The following LRRIQ3 variants were observed in gnomAD, a reference collection of about 807,000 sequenced individuals.
LRRIQ3 encodes leucine rich repeats and IQ motif containing 3.
Under a neutral mutation model 59.3 loss-of-function variants are expected in LRRIQ3, and 75 were observed. The ratio of observed to expected loss-of-function variants is 1.26; its 90% CI spans 1.05 to 1.53. LRRIQ3 has a LOEUF of 1.53. Among genes scored for constraint, LRRIQ3 ranks in the 40% most tolerant of loss-of-function variants. LRRIQ3 has a pLI of 0.00. For missense variants in LRRIQ3, 831 were observed against 710.0 expected (o/e 1.17, Z -1.94); for synonymous variants, 250 against 231.3 (o/e 1.08, Z -0.73).
intron 5 of LRRIQ3, among the ~76,000 whole-genome samples, chr1:74,086,850 A>C (rs1028343659): frequency 2.0e-5 from 3 of 152,076 alleles, no homozygotes; most frequent in Non-Finnish European, 4.4e-5. Context: ...AAACACCCAT[A>C]AACTCCTGTA....
At chr1:74,040,922 T>C (rs185521259) in intron 7 of LRRIQ3, among the ~76,000 whole-genome samples, 155 of 152,302 alleles carry the variant, frequency 1.0e-3, no homozygotes, top group Non-Finnish European at 7.2e-4. Context: ...CTGAGGTTGA[T>C]AGCACTGGTC....
At chr1:74,045,482 T>C (rs1230370559) in intron 6 of LRRIQ3, among the ~76,000 whole-genome samples, 1 of 152,164 alleles carries the variant, frequency 6.6e-6, no homozygotes, top group Non-Finnish European at 1.5e-5. Context: ...GAGCTATTTA[T>C]GACAAACCCA....
chr1:74,085,840 A>G (rs889124222), intron 5 of LRRIQ3, among the ~76,000 whole-genome samples: 3 of 152,042 alleles, frequency 2.0e-5, no homozygotes, highest in African/African-American at 7.2e-5. Flanking sequence ...TTTGCTCTCA[A>G]TAATTGACTG....
chr1:74,065,374 A>G (rs1392280841), intron 6 of LRRIQ3, among the ~76,000 whole-genome samples: 1 of 152,098 alleles, frequency 6.6e-6, no homozygotes, highest in Non-Finnish European at 1.5e-5. Context: ...CATCATAATT[A>G]CCCTTCTCTC....
intron 3 of LRRIQ3, among the ~76,000 whole-genome samples, chr1:74,164,335 A>G (rs2100686024): frequency 6.6e-6 from 1 of 151,554 alleles, no homozygotes; most frequent in South Asian, 2.1e-4. Context: ...GGGCTCTAAT[A>G]CAATATGACT....
chr1:74,055,923 T>A (rs1017702482), intron 6 of LRRIQ3, among the ~76,000 whole-genome samples: 1 of 152,028 alleles, frequency 6.6e-6, no homozygotes, highest in Non-Finnish European at 1.5e-5. Context: ...GGTGGGCACA[T>A]CACGAGGTCA....
chr1:74,063,193 A>G (rs1478766905), intron 6 of LRRIQ3, among the ~76,000 whole-genome samples: 1 of 151,912 alleles, frequency 6.6e-6, no homozygotes, highest in Non-Finnish European at 1.5e-5. Context: ...GTATTTGTAT[A>G]TTTGTGAGAT....
At chr1:74,115,078 T>C (rs1646760366) in intron 4 of LRRIQ3, among the ~76,000 whole-genome samples, 1 of 152,174 alleles carries the variant, frequency 6.6e-6, no homozygotes, top group Admixed American at 6.6e-5. Flanking sequence ...AGTAAACTCA[T>C]AGAATTGAAG....
At chr1:74,105,389 T>C (rs1470552702) in intron 5 of LRRIQ3, among the ~76,000 whole-genome samples, 3 of 151,754 alleles carry the variant, frequency 2.0e-5, no homozygotes, top group Non-Finnish European at 4.4e-5. Context: ...GTAGCTGGGA[T>C]TTCAGGAGTA....
At chr1:74,112,995 C>A (rs958992640) in intron 4 of LRRIQ3, among the ~76,000 whole-genome samples, 1 of 151,502 alleles carries the variant, frequency 6.6e-6, no homozygotes, top group African/African-American at 2.4e-5. Flanking sequence ...AGACAACAGG[C>A]GAAACAAAGA....
At position 74,109,579 on chromosome 1, in the gene LRRIQ3, A is replaced by G. The variant is rs201036085; in HGVS notation, c.708-26T>C. The stretch of plus-strand genomic sequence containing the variant: ...CTGAATATAAGGGGAGGGGAAAACT[A>G]TTTGTTAGTTTTTTGCCATTAAAAA... On this transcript the variant is annotated intron_variant, in intron 4 of 7. Transcript: ENST00000354431. 5 of 1,529,282 alleles carry G rather than the reference A, an allele frequency of 3.3e-6. 1 individual carries two copies. In the Middle Eastern group the frequency reaches 5.7e-4, roughly 174 times the overall value. 94.7% of individuals were successfully genotyped at this position (1,529,282 alleles called of 1,614,324 possible).
At chr1:74,101,418 A>T (rs898538958) in intron 5 of LRRIQ3, among the ~76,000 whole-genome samples, 2 of 152,054 alleles carry the variant, frequency 1.3e-5, no homozygotes, top group African/African-American at 2.4e-5. Flanking sequence ...AACAGGTGCC[A>T]GAGAGGATGT....
intron 6 of LRRIQ3, among the ~76,000 whole-genome samples, chr1:74,065,591 A>C (rs1029401036): frequency 6.6e-6 from 1 of 152,128 alleles, no homozygotes; most frequent in Non-Finnish European, 1.5e-5. Flanking sequence ...TCTTCACATG[A>C]ATTTGCTTTA....
chr1:74,092,653 A>T (rs1430958083), intron 5 of LRRIQ3, among the ~76,000 whole-genome samples: 1 of 152,052 alleles, frequency 6.6e-6, no homozygotes, highest in Non-Finnish European at 1.5e-5. Context: ...AGAAAAAAAA[A>T]TCTGGGTTAT....
chr1:74,058,924 G>A (rs1654618829), intron 6 of LRRIQ3, among the ~76,000 whole-genome samples: 1 of 151,992 alleles, frequency 6.6e-6, no homozygotes, highest in African/African-American at 2.4e-5. Flanking sequence ...AAATCCATCT[G>A]TAATCCACAA....
chr1:74,088,576 A>C (rs1646357186), intron 5 of LRRIQ3, among the ~76,000 whole-genome samples: 1 of 152,040 alleles, frequency 6.6e-6, no homozygotes, highest in Non-Finnish European at 1.5e-5. Context: ...AGAGATAAGA[A>C]ATTTTTCTCA....
chr1:74,133,230 G>A (rs1647056837), intron 4 of LRRIQ3, among the ~76,000 whole-genome samples: 1 of 152,142 alleles, frequency 6.6e-6, no homozygotes, highest in African/African-American at 2.4e-5. Context: ...TGGAGAGGAT[G>A]TGGAGAAATA....
At chr1:74,177,452 A>G (rs1649712226) in intron 3 of LRRIQ3, among the ~76,000 whole-genome samples, 1 of 152,116 alleles carries the variant, frequency 6.6e-6, no homozygotes, top group Admixed American at 6.6e-5. Flanking sequence ...TATCTATCCT[A>G]TTAGTTCTGT....
chr1:74,108,195 G>A (rs1646640374), intron 5 of LRRIQ3, among the ~76,000 whole-genome samples: 2 of 151,684 alleles, frequency 1.3e-5, no homozygotes, highest in African/African-American at 2.4e-5. Context: ...TCAGTATACT[G>A]ATATCATACT....
Sources: gnomAD v4.1 joint callset for allele counts (sites outside exome capture counted in the v4.1 genomes callset) on GRCh38, gnomAD v4.1.1 for gene constraint, MANE v1.5 for transcripts, NCBI Gene and HGNC (gene_info 2026-07-23, HGNC 2026-07-21) for gene names.